The following ERCC6L2 variants were observed in gnomAD, a reference collection of about 807,000 sequenced individuals.
ERCC6L2 encodes ERCC excision repair 6 like 2, also known as DNA excision repair protein ERCC-6-like 2.
Under a neutral mutation model 132.0 loss-of-function variants are expected in ERCC6L2, and 77 were observed. That is an observed-to-expected ratio of 0.58 (90% CI 0.49 to 0.71). ERCC6L2 has a LOEUF of 0.71. ERCC6L2 is among the 30% of genes least tolerant of loss of function. ERCC6L2 has a pLI of 0.00. For synonymous variants in ERCC6L2, 583 were observed against 632.4 expected (o/e 0.92, Z 1.17); for missense variants, 1,542 against 1,837.6 (o/e 0.84, Z 2.94).
intron 9 of ERCC6L2, among the ~76,000 whole-genome samples, chr9:95,923,666 A>G (rs1486405441): frequency 6.6e-6 from 1 of 152,230 alleles, no homozygotes; most frequent in Non-Finnish European, 1.5e-5. Context: ...TGCTGTTACC[A>G]CATAGATAAT....
At chr9:95,941,072 G>A (rs548908583) in intron 11 of ERCC6L2, among the ~76,000 whole-genome samples, 143 of 152,208 alleles carry the variant, frequency 9.4e-4, no homozygotes, top group African/African-American at 3.4e-3. Context: ...GGAAGAATAA[G>A]ATGTGCATCT....
At chr9:95,977,622 A>G (rs1371635543) in intron 16 of ERCC6L2, among the ~76,000 whole-genome samples, 2 of 152,244 alleles carry the variant, frequency 1.3e-5, no homozygotes, top group African/African-American at 2.4e-5. Flanking sequence ...AGCAAAGCCA[A>G]TCAAACGAAA....
chr9:95,908,310 A>T (rs1386468550), intron 4 of ERCC6L2, among the ~76,000 whole-genome samples: 1 of 152,092 alleles, frequency 6.6e-6, no homozygotes, highest in African/African-American at 2.4e-5. Flanking sequence ...GTCCAGTATG[A>T]CTGGTATCCT....
chr9:96,036,763 A>T (rs113588723), intron 19 of ERCC6L2, among the ~76,000 whole-genome samples: 24,916 of 137,526 alleles, frequency 0.18, 2,231 homozygotes, highest in South Asian at 0.26. Context: ...TATTATTATT[A>T]TTTTTATTTA....
intron 17 of ERCC6L2, among the ~76,000 whole-genome samples, chr9:95,993,636 G>A (rs1159781970): frequency 1.3e-5 from 2 of 152,180 alleles, no homozygotes; most frequent in African/African-American, 4.8e-5. Flanking sequence ...ATCAGATTTA[G>A]TTTGATATGT....
At chr9:95,907,857 C>CACAAACACACACACACA in intron 4 of ERCC6L2, among the ~76,000 whole-genome samples, 6 of 133,740 alleles carry the variant, frequency 4.5e-5, no homozygotes, top group South Asian at 2.5e-4. Context: ...ACACACACAC[C>CACAAACACACACACACA]CCCACACCCA....
chr9:96,028,487 G>A (rs533190557), intron 19 of ERCC6L2, among the ~76,000 whole-genome samples: 7 of 152,174 alleles, frequency 4.6e-5, no homozygotes, highest in Non-Finnish European at 7.3e-5. Context: ...AATTCCTGGG[G>A]ACCACTAGGG....
chr9:95,936,823 T>C (rs1484007699), intron 11 of ERCC6L2, among the ~76,000 whole-genome samples: 1 of 152,200 alleles, frequency 6.6e-6, no homozygotes, highest in African/African-American at 2.4e-5. Context: ...CTGTTCTCCA[T>C]TTCTGTAATT....
rs1392616283 is a variant in ERCC6L2 at position 95,972,782 on chromosome 9, AAAG to A, written c.3034_3036del (p.Glu1012del). 7 of 1,304,148 alleles carry A rather than the reference AAAG, an allele frequency of 5.4e-6. No individual in the cohort carries two copies. In the Admixed American group the frequency reaches 1.6e-4, roughly 30 times the overall value. 80.8% of individuals were successfully genotyped at this position (1,304,148 alleles called of 1,614,324 possible). A position where few individuals can be genotyped will look rare whatever the true frequency, so the allele number is the denominator to read the frequency against. ...GTTTAAGAGAATAAAAGAAACCAAA[AAAG>A]AACTTCACAATTCTCCCAAAACAAT... On this transcript the variant is annotated inframe_deletion, in exon 16 of 19. Transcript: ENST00000653738.
At chr9:95,893,778 T>TTGAAA (rs1828293131) in intron 2 of ERCC6L2, among the ~76,000 whole-genome samples, 1 of 152,320 alleles carries the variant, frequency 6.6e-6, no homozygotes, top group African/African-American at 2.4e-5. Flanking sequence ...TTTTTCTTCA[T>TTGAAA]CAATTTTGCC....
At chr9:95,926,661 T>G (rs1207620194) in intron 9 of ERCC6L2, among the ~76,000 whole-genome samples, 1 of 152,172 alleles carries the variant, frequency 6.6e-6, no homozygotes, top group Admixed American at 6.6e-5. Context: ...CAAGGAATTT[T>G]TAGGGCAATG....
chr9:95,930,347 A>G (rs1484552054), intron 11 of ERCC6L2, among the ~76,000 whole-genome samples: 1 of 152,138 alleles, frequency 6.6e-6, no homozygotes, highest in Non-Finnish European at 1.5e-5. Flanking sequence ...GTCATTATAT[A>G]AGGAACCTTA....
At chr9:96,021,129 G>A (rs1834281057), downstream of ERCC6L2, 1 of 388,986 alleles carries the variant, frequency 2.6e-6, no homozygotes, top group African/African-American at 2.1e-5. This position sits in a 1 kb window ranked among gnomAD's most constrained non-coding sequence, Gnocchi z 4.7. Flanking sequence ...AGGCGTCCCG[G>A]GGAACCCCGC....
At chr9:96,001,761 G>C (rs1228552260) in intron 17 of ERCC6L2, among the ~76,000 whole-genome samples, 1 of 152,256 alleles carries the variant, frequency 6.6e-6, no homozygotes, top group African/African-American at 2.4e-5. Flanking sequence ...GGGCGCCGTG[G>C]AGCAGGGGGT....
chr9:95,931,942 G>C (rs1289853861), intron 11 of ERCC6L2, among the ~76,000 whole-genome samples: 2 of 151,398 alleles, frequency 1.3e-5, no homozygotes, highest in African/African-American at 4.9e-5. Flanking sequence ...TGGCATGCCA[G>C]GTCATCAGAC....
chr9:95,941,605 TC>T (rs1326596758), intron 12 of ERCC6L2, 56 bp downstream of exon 12: 2 of 1,303,060 alleles, frequency 1.5e-6, no homozygotes, highest in Non-Finnish European at 2.2e-6. Context: ...CTAAAAATAC[TC>T]TTGAACTTTT....
rs1436216482 is a variant in ERCC6L2 at position 95,880,882 on chromosome 9, A to G, written c.60A>G (p.Pro20=). Residue 20 remains proline, a synonymous_variant, in exon 2 of 19, where the codon CCA becomes CCG. Transcript: ENST00000653738. ...TTATTCTTGCAGACATATGGCATCC[A>G]GGAGAAAGATGTCTTGCCCCTTCTC... ...AETSGKDIWH[P]GERCLAPSPD... is the part of the protein sequence containing the mutation. 1 of 1,606,628 alleles carries G rather than the reference A, an allele frequency of 6.2e-7. No individual in the cohort carries two copies. Among genetic ancestry groups the G allele is most frequent in the African/African-American group, 1.3e-5 (1 of 74,364 alleles).
In ERCC6L2 at chr9:96,012,212, A is replaced by T. The variant is rs1184395541; in HGVS notation, c.3675-13A>T. ...ATGAAAATAACCACTAGTTTTGTTC[A>T]TTTAATCTTTAGAAAACAATTTGAA... On this transcript the variant is annotated splice_polypyrimidine_tract_variant and intron_variant, in intron 18 of 18. Transcript: ENST00000653738. The T allele has an allele frequency of 2.4e-6, 3 of 1,228,042 alleles. No homozygotes were observed. In the African/African-American group the frequency reaches 4.7e-5, roughly 19 times the overall value. The allele number at this position is 1,228,042 out of a possible 1,614,324, so 76.1% of individuals were successfully genotyped here. A position where few individuals can be genotyped will look rare whatever the true frequency, so the allele number is the denominator to read the frequency against.
intron 17 of ERCC6L2, among the ~76,000 whole-genome samples, chr9:96,002,433 T>TTG (rs1833720296): frequency 6.6e-6 from 1 of 151,414 alleles, no homozygotes; most frequent in African/African-American, 2.4e-5. Context: ...CTTTTTTTTT[T>TTG]TTTCCTGAGA....
Sources: allele counts gnomAD v4.1 joint callset (sites outside exome capture counted in the v4.1 genomes callset), GRCh38; gene constraint gnomAD v4.1.1; non-coding constraint Gnocchi (gnomAD v3.1); transcripts MANE v1.5; gene names NCBI Gene and HGNC (gene_info 2026-07-23, HGNC 2026-07-21).